The following ENTREP2 variants were observed in gnomAD, a reference collection of about 807,000 sequenced individuals.
The protein encoded by ENTREP2 is protein ENTREP2.
chr15:29,368,795 C>A, the ENTREP2 span, among the ~76,000 whole-genome samples: 2 of 151,854 alleles, frequency 1.3e-5, no homozygotes, highest in African/African-American at 4.8e-5. Context: ...GAGGGAGAAT[C>A]CCCTGGGCCC....
At chr15:29,576,937 A>C in the ENTREP2 span, among the ~76,000 whole-genome samples, 1 of 152,032 alleles carries the variant, frequency 6.6e-6, no homozygotes, top group African/African-American at 2.4e-5. Flanking sequence ...CCTCCCGAGT[A>C]GCTGGGACTA....
chr15:29,356,783 A>T, the ENTREP2 span, among the ~76,000 whole-genome samples: 2 of 152,140 alleles, frequency 1.3e-5, no homozygotes, highest in Non-Finnish European at 2.9e-5. Flanking sequence ...GCCATTTAGG[A>T]TCACACAGAT....
chr15:29,475,131 G>A, the ENTREP2 span, among the ~76,000 whole-genome samples: 910 of 152,172 alleles, frequency 6.0e-3, 11 homozygotes, highest in African/African-American at 0.019. Flanking sequence ...TGTGTGGGAG[G>A]GGGTGACAAG....
chr15:29,274,014 A>G, the ENTREP2 span, among the ~76,000 whole-genome samples: 1 of 152,176 alleles, frequency 6.6e-6, no homozygotes, highest in African/African-American at 2.4e-5. Context: ...TCCCTTTCAT[A>G]TATACATCTA....
the ENTREP2 span, among the ~76,000 whole-genome samples, chr15:29,389,072 C>A: frequency 7.3e-5 from 11 of 151,536 alleles, no homozygotes; most frequent in East Asian, 2.1e-3. Context: ...ATGTAACAAA[C>A]CTGCACGTTG....
At chr15:29,134,407 C>T in the ENTREP2 span, among the ~76,000 whole-genome samples, 1 of 152,136 alleles carries the variant, frequency 6.6e-6, no homozygotes, top group Non-Finnish European at 1.5e-5. Flanking sequence ...CTGCAGCCTG[C>T]CTGGCTGCTC....
chr15:29,249,138 G>C, the ENTREP2 span, among the ~76,000 whole-genome samples: 1 of 152,088 alleles, frequency 6.6e-6, no homozygotes, highest in Non-Finnish European at 1.5e-5. Flanking sequence ...GTGAAACCTT[G>C]TCTCTACTAC....
At chr15:29,565,020 TGAATTG>T in the ENTREP2 span, among the ~76,000 whole-genome samples, 1 of 152,216 alleles carries the variant, frequency 6.6e-6, no homozygotes, top group East Asian at 1.9e-4. Context: ...ACTCTGTTTC[TGAATTG>T]GAAGATTTAA....
chr15:29,431,167 C>A, the ENTREP2 span, among the ~76,000 whole-genome samples: 2 of 152,102 alleles, frequency 1.3e-5, no homozygotes, highest in Admixed American at 1.3e-4. Flanking sequence ...CTAAGGATAC[C>A]AGTGGCCGGG....
the ENTREP2 span, among the ~76,000 whole-genome samples, chr15:29,174,634 G>A: frequency 1.3e-5 from 2 of 151,518 alleles, no homozygotes; most frequent in African/African-American, 4.9e-5. Context: ...GTCTTGCAGT[G>A]AGCTGAGATC....
chr15:29,375,981 C>T, the ENTREP2 span: 6 of 152,040 alleles, frequency 3.9e-5, no homozygotes, highest in African/African-American at 1.5e-4. Flanking sequence ...AAGCCAGATC[C>T]CTCAAACAAT....
the ENTREP2 span, among the ~76,000 whole-genome samples, chr15:29,603,197 T>C: frequency 4.6e-5 from 7 of 152,060 alleles, no homozygotes; most frequent in African/African-American, 9.7e-5. Context: ...TGGCCCTGGG[T>C]GGAAGCAAGG....
At chr15:29,151,665 G>T in the ENTREP2 span, 1 of 1,256,680 alleles carries the variant, frequency 8.0e-7, no homozygotes, top group Non-Finnish European at 1.1e-6. Context: ...GCATCTGGCT[G>T]AAGCCAGAAG....
chr15:29,341,769 G>C, the ENTREP2 span, among the ~76,000 whole-genome samples: 1 of 152,050 alleles, frequency 6.6e-6, no homozygotes, highest in African/African-American at 2.4e-5. Flanking sequence ...GAAAAGAACC[G>C]GGAGAAGCAC....
the ENTREP2 span, among the ~76,000 whole-genome samples, chr15:29,568,830 G>A: frequency 6.6e-6 from 1 of 152,120 alleles, no homozygotes; most frequent in Non-Finnish European, 1.5e-5. Flanking sequence ...TAAAATGTAG[G>A]GGATGATGTG....
the ENTREP2 span, among the ~76,000 whole-genome samples, chr15:29,317,554 C>T: frequency 6.6e-4 from 100 of 152,238 alleles, 1 homozygote; most frequent in African/African-American, 2.3e-3. Flanking sequence ...ATATGCAAAA[C>T]GGAACACGAA....
At chr15:29,226,412 C>T in the ENTREP2 span, among the ~76,000 whole-genome samples, 21 of 152,166 alleles carry the variant, frequency 1.4e-4, no homozygotes, top group Non-Finnish European at 2.9e-4. Context: ...TTCCTACAAA[C>T]GGAAAAATTC....
At chr15:29,626,328 G>C in the ENTREP2 span, among the ~76,000 whole-genome samples, 1 of 152,112 alleles carries the variant, frequency 6.6e-6, no homozygotes, top group Non-Finnish European at 1.5e-5. Context: ...TGAATCATGG[G>C]GGCGGTTTCC....
At chr15:29,559,827 C>T in the ENTREP2 span, among the ~76,000 whole-genome samples, 1 of 152,098 alleles carries the variant, frequency 6.6e-6, no homozygotes, top group Non-Finnish European at 1.5e-5. Context: ...CCCTTTTTGC[C>T]ATGTGAGACA....
Sources: allele counts gnomAD v4.1 joint callset (sites outside exome capture counted in the v4.1 genomes callset), GRCh38; gene constraint gnomAD v4.1.1; transcripts MANE v1.5; gene names NCBI Gene and HGNC (gene_info 2026-07-23, HGNC 2026-07-21).